The following ITSN1 variants were observed in gnomAD, a reference collection of about 807,000 sequenced individuals.
The protein encoded by ITSN1 is intersectin 1.
In ITSN1, 58 loss-of-function variants were observed where a neutral mutation model predicts 239.8. That is an observed-to-expected ratio of 0.24 (90% CI 0.20 to 0.30). The LOEUF (loss-of-function observed/expected upper bound fraction) is 0.30, where lower values mean the gene tolerates loss of function less well. Ranked by LOEUF, ITSN1 falls within the 10% of genes least tolerant of loss-of-function variation. ITSN1 has a pLI of 1.00. For missense variants in ITSN1, 1,558 were observed against 2,103.3 expected (o/e 0.74, Z 5.07); for synonymous variants, 780 against 770.8 (o/e 1.01, Z -0.20).
At chr21:33,718,339 C>G (rs1410533146) in intron 1 of ITSN1, among the ~76,000 whole-genome samples, 1 of 152,186 alleles carries the variant, frequency 6.6e-6, no homozygotes, top group African/African-American at 2.4e-5. Flanking sequence ...ATGGGTTTCA[C>G]AGAGTCCATA....
At position 33,899,684 on chromosome 21, in the gene ITSN1, CTG is replaced by C. The variant is rs1273785286; in HGVS notation, c.*11385_*11386del. 1 of 152,186 alleles carries C rather than the reference CTG, an allele frequency of 6.6e-6. No homozygotes were observed. Among genetic ancestry groups the C allele is most frequent in the Non-Finnish European group, 1.5e-5 (1 of 68,048 alleles). 9.4% of individuals were successfully genotyped at this position (152,186 alleles called of 1,614,324 possible). A position where few individuals can be genotyped will look rare whatever the true frequency, so the allele number is the denominator to read the frequency against. On this transcript the variant is annotated 3_prime_UTR_variant, in exon 40 of 40. Transcript: ENST00000381318. ...ATTTTACCGATTAAGATGATGGTAA[CTG>C]AGACCTTTCTTTAAACCAGTAGCAA...
chr21:33,672,690 C>G (rs968455773), intron 1 of ITSN1, among the ~76,000 whole-genome samples: 1 of 152,066 alleles, frequency 6.6e-6, no homozygotes, highest in African/African-American at 2.4e-5. Context: ...TGGCATTATT[C>G]CCAATAGACA....
chr21:33,646,528 A>G (rs2087970448), intron 1 of ITSN1, among the ~76,000 whole-genome samples: 1 of 152,190 alleles, frequency 6.6e-6, no homozygotes. Context: ...ACCACAGGGC[A>G]CCATAGATAT....
chr21:33,826,532 G>A (rs998054243), intron 25 of ITSN1, among the ~76,000 whole-genome samples: 2 of 152,108 alleles, frequency 1.3e-5, no homozygotes, highest in Non-Finnish European at 2.9e-5. Flanking sequence ...TCTTAGATTT[G>A]ACCAGGTCCG....
At chr21:33,716,896 G>A (rs973006873) in intron 1 of ITSN1, among the ~76,000 whole-genome samples, 1 of 150,256 alleles carries the variant, frequency 6.7e-6, no homozygotes, top group African/African-American at 2.5e-5. Context: ...AGGTTGCAGT[G>A]AGCTGAGATC....
chr21:33,743,842 T>C (rs1199330557), intron 5 of ITSN1, among the ~76,000 whole-genome samples: 1 of 152,208 alleles, frequency 6.6e-6, no homozygotes, highest in Non-Finnish European at 1.5e-5. Context: ...TGGAGTAACA[T>C]ATTTAGAATT....
intron 1 of ITSN1, among the ~76,000 whole-genome samples, chr21:33,715,447 A>C (rs1316279164): frequency 6.6e-6 from 1 of 152,216 alleles, no homozygotes; most frequent in Non-Finnish European, 1.5e-5. Context: ...TTTACTATGC[A>C]TTTAAAATCC....
In ITSN1 at chr21:33,794,372, T is replaced by C; in HGVS notation, c.1856T>C (p.Leu619Pro). 1 of 1,613,740 alleles carries C rather than the reference T, an allele frequency of 6.2e-7. No homozygotes were observed. The highest frequency in any genetic ancestry group is 8.5e-7 in the Non-Finnish European group (1 of 1,179,868). ...ELREIHNKQQ[L>P]QKQKSMEAER... is the part of the protein sequence containing the mutation. ...AGAGAAATACACAATAAGCAACAAC[T>C]CCAGAAGCAAAAGTCCATGGAGGCT... The change falls in exon 17 of 40, where the codon CTC (leucine) becomes CCC (proline). Residue 619 changes from leucine (L) to proline (P), a missense_variant. Around this residue, in one of 2 missense-constraint regions of ITSN1, gnomAD observed 982 missense variants for 1,209.9 expected, o/e 0.81. Transcript: ENST00000381318.
intron 24 of ITSN1, among the ~76,000 whole-genome samples, chr21:33,819,959 G>C (rs981133551): frequency 1.3e-5 from 2 of 151,992 alleles, no homozygotes; most frequent in African/African-American, 2.4e-5. Context: ...TCCGCAGTCC[G>C]GCCTGGGCGA....
At chr21:33,701,530 C>T (rs1446024250) in intron 1 of ITSN1, among the ~76,000 whole-genome samples, 3 of 151,778 alleles carry the variant, frequency 2.0e-5, no homozygotes, top group South Asian at 2.1e-4. Flanking sequence ...TGGTGACGCA[C>T]GCCTGTAATC....
intron 19 of ITSN1, among the ~76,000 whole-genome samples, chr21:33,801,499 G>A (rs1409611013): frequency 6.6e-6 from 1 of 152,030 alleles, no homozygotes; most frequent in African/African-American, 2.4e-5. Flanking sequence ...GTCTCACTCT[G>A]TCACCTAGGC....
At chr21:33,823,785 C>T (rs2073823073) in intron 25 of ITSN1, 132 bp downstream of exon 25, 1 of 826,064 alleles carries the variant, frequency 1.2e-6, no homozygotes, top group Non-Finnish European at 1.9e-6. Flanking sequence ...CCAGTGTGAC[C>T]TGTCATTGTT....
chr21:33,854,354 G>A (rs1315062076), intron 29 of ITSN1, among the ~76,000 whole-genome samples: 4 of 152,206 alleles, frequency 2.6e-5, no homozygotes, highest in Admixed American at 2.6e-4. Flanking sequence ...CCCTGCAGAA[G>A]GGACCATCCT....
rs2067838145 is a variant in ITSN1 at position 33,755,415 on chromosome 21, T to G, written c.724+18T>G. 1 of 1,320,146 alleles carries G rather than the reference T, an allele frequency of 7.6e-7. No homozygotes were observed. Among genetic ancestry groups the G allele is most frequent in the African/African-American group, 1.5e-5 (1 of 68,328 alleles). The allele number at this position is 1,320,146 out of a possible 1,614,324, so 81.8% of individuals were successfully genotyped here. ...CTTAACAGGTATTTACAAATAAAAA[T>G]TAGTGAAATATGATCTTTGTTTTCA... is the stretch of plus-strand genomic sequence containing the variant. On this transcript the variant is annotated intron_variant, in intron 8 of 39. Coordinates refer to ENST00000381318, the MANE Select transcript of ITSN1 (RefSeq NM_003024.3).
intron 29 of ITSN1, among the ~76,000 whole-genome samples, chr21:33,842,187 G>A (rs919384656): frequency 3.9e-5 from 6 of 152,044 alleles, no homozygotes; most frequent in African/African-American, 1.5e-4. Context: ...GAGCCACCGC[G>A]CCCGGCCACT....
chr21:33,721,873 GA>G (rs1218145540), intron 3 of ITSN1: 1 of 151,430 alleles, frequency 6.6e-6, no homozygotes, highest in African/African-American at 2.4e-5. Flanking sequence ...ATTTCCAGGG[GA>G]ATTGTTCTGC....
intron 14 of ITSN1, among the ~76,000 whole-genome samples, chr21:33,778,829 C>T (rs1009087083): frequency 3.5e-5 from 5 of 141,060 alleles, no homozygotes; most frequent in Admixed American, 6.7e-5. Flanking sequence ...CCGCCCGCCT[C>T]GGCCTCCCAA....
chr21:33,657,350 T>C (rs902540875), intron 1 of ITSN1, among the ~76,000 whole-genome samples: 1 of 152,176 alleles, frequency 6.6e-6, no homozygotes, highest in African/African-American at 2.4e-5. Flanking sequence ...TTTCTTTCCA[T>C]AAGCAGCTGT....
intron 11 of ITSN1, among the ~76,000 whole-genome samples, chr21:33,768,560 C>T (rs894317614): frequency 2.6e-5 from 4 of 152,152 alleles, no homozygotes; most frequent in Non-Finnish European, 5.9e-5. Context: ...GGATTATAGG[C>T]GTGAGTCACT....
Sources: gnomAD v4.1 joint callset for allele counts (sites outside exome capture counted in the v4.1 genomes callset) on GRCh38, gnomAD v4.1.1 for gene constraint, gnomAD v4.1.1 regional missense constraint, MANE v1.5 for transcripts, NCBI Gene and HGNC (gene_info 2026-07-23, HGNC 2026-07-21) for gene names.